ACIN1: variants seen among roughly 807,000 people sequenced by gnomAD.
The protein encoded by ACIN1 is apoptotic chromatin condensation inducer in the nucleus.
In ACIN1, 16 loss-of-function variants were observed where a neutral mutation model predicts 146.6. The observed-to-expected ratio is 0.11, with a 90% confidence interval of 0.07 to 0.17. The LOEUF is 0.17. Among genes scored for constraint, ACIN1 ranks in the 10% least tolerant of loss-of-function variants. ACIN1 has a pLI of 1.00. For synonymous variants in ACIN1, 569 were observed against 582.7 expected (o/e 0.98, Z 0.34); for missense variants, 1,357 against 1,609.3 (o/e 0.84, Z 2.68).
Position 23,080,755 on chromosome 14 carries a change from G to C in ACIN1, c.580C>G (p.Gln194Glu), listed in dbSNP as rs1434505190. ...GSQPAEEEED[Q>E]ETPSRNLRVR... ...CTTAGGTTTCTGGAAGGTGTTTCTT[G>C]ATCCTCTTCCTCCTCAGCAGGTTGG... The change falls in exon 6 of 19, where the codon CAA becomes GAA. Residue 194 changes from glutamine (Q) to glutamate (E), a missense_variant. Physicochemically the swap from Gln to Glu is conservative, Grantham distance 29. This residue lies in a region of ACIN1 where 771 missense variants were observed against 746.6 expected (regional missense o/e 1.03). Transcript: ENST00000605057. The C allele has an allele frequency of 6.2e-7, 1 of 1,613,358 alleles. No individual in the cohort carries two copies. Among genetic ancestry groups the C allele is most frequent in the African/African-American group, 1.3e-5 (1 of 74,934 alleles).
At chr14:23,062,635 C>A in intron 14 of ACIN1, 112 bp from the exon 15 acceptor site, 2 of 1,067,886 alleles carry the variant, frequency 1.9e-6, no homozygotes, top group Non-Finnish European at 2.8e-6. Flanking sequence ...TGGGGGAGGG[C>A]AGAGAGTTTA....
intron 8 of ACIN1, among the ~76,000 whole-genome samples, chr14:23,077,032 T>C (rs761748402): frequency 2.5e-4 from 38 of 152,204 alleles, no homozygotes; most frequent in Non-Finnish European, 5.4e-4. Flanking sequence ...AGCCACAAGA[T>C]GGCAGCAGAG....
Position 23,061,278 on chromosome 14 carries a change from C to T in ACIN1, c.3424+20G>A, listed in dbSNP as rs373732797. The T allele has an allele frequency of 1.2e-6, 2 of 1,613,574 alleles. No homozygotes were observed. The highest frequency in any genetic ancestry group is 1.7e-6 in the Non-Finnish European group (2 of 1,179,726). On this transcript the variant is annotated intron_variant, in intron 17 of 18. Coordinates refer to ENST00000605057, the MANE Select transcript of ACIN1 (RefSeq NM_001386863.1). Reference sequence around the variant, plus strand: ...TCCCACCTACTAGTGGGTATGCGTACCCCATAGCTAAGTACCTACCTTTCT... The same window carrying T: ...TCCCACCTACTAGTGGGTATGCGTATCCCATAGCTAAGTACCTACCTTTCT...
In ACIN1 at chr14:23,061,072, A is replaced by C; in HGVS notation, c.3525+12T>G. On this transcript the variant is annotated intron_variant, in intron 18 of 18. Coordinates refer to ENST00000605057, the MANE Select transcript of ACIN1 (RefSeq NM_001386863.1). ...TGCCACTAGGGAGCAGGGCACGAAGAAGAGCACTCACCTGGCTGTCAGTCA... is the reference window on the plus strand; with the variant it reads ...TGCCACTAGGGAGCAGGGCACGAAGCAGAGCACTCACCTGGCTGTCAGTCA... The C allele has an allele frequency of 6.2e-7, 1 of 1,613,250 alleles. No individual in the cohort carries two copies.
intron 8 of ACIN1, among the ~76,000 whole-genome samples, chr14:23,077,148 A>G (rs1307023594): frequency 6.6e-6 from 1 of 152,212 alleles, no homozygotes. Context: ...GTCACAGGCA[A>G]ATGAGATAAA....
At chr14:23,059,901 C>T (rs2047217983) in intron 18 of ACIN1, among the ~76,000 whole-genome samples, 1 of 151,610 alleles carries the variant, frequency 6.6e-6, no homozygotes, top group East Asian at 1.9e-4. Context: ...GTGATCCGCC[C>T]GCCTCAGGCT....
At position 23,058,862 on chromosome 14, in the gene ACIN1, C is replaced by G. The variant is rs552556323; in HGVS notation, c.*286G>C. 7 of 476,256 alleles carry G rather than the reference C, an allele frequency of 1.5e-5. No individual in the cohort carries two copies. In the East Asian group the frequency reaches 2.4e-4, roughly 16 times the overall value. The allele number at this position is 476,256 out of a possible 1,614,324, so 29.5% of individuals were successfully genotyped here. On this transcript the variant is annotated 3_prime_UTR_variant, in exon 19 of 19. Transcript: ENST00000605057. Reference sequence around the variant, plus strand: ...GAGGAAAAATCAGAGGACTGGGGCACCTGGCTGTTCCCCATCTCTGGCCAA... The same window carrying G: ...GAGGAAAAATCAGAGGACTGGGGCAGCTGGCTGTTCCCCATCTCTGGCCAA...
intron 8 of ACIN1, 124 bp from the exon 9 acceptor site, chr14:23,069,741 G>A (rs753131860): frequency 1.5e-4 from 126 of 864,170 alleles, no homozygotes; most frequent in Non-Finnish European, 2.1e-4. Context: ...GGATTAGGAG[G>A]GCTGCTTTTC....
chr14:23,081,439 A>C (rs1161278221), intron 5 of ACIN1, among the ~76,000 whole-genome samples: 1 of 152,214 alleles, frequency 6.6e-6, no homozygotes, highest in Non-Finnish European at 1.5e-5. Context: ...CGAACAACAA[A>C]AAGATGACAA....
chr14:23,066,113 CAGATAGAGTG>C (rs2047447373), intron 9 of ACIN1, 105 bp from the exon 10 acceptor site: 1 of 843,140 alleles, frequency 1.2e-6, no homozygotes, highest in Non-Finnish European at 1.9e-6. Context: ...TCCAAAGACA[CAGATAGAGTG>C]AGAGAGAGAG....
At position 23,062,533 on chromosome 14, in the gene ACIN1, A is replaced by C. The variant is rs746840123; in HGVS notation, c.2884-10T>G. On this transcript the variant is annotated splice_polypyrimidine_tract_variant and intron_variant, in intron 14 of 18. Transcript: ENST00000605057. ...AAGTGAAAGGACGGACCTGCCAATG[A>C]AAATAGACTTTCAGGGTCTAGCAGA... The C allele has an allele frequency of 6.2e-7, 1 of 1,613,164 alleles. No individual in the cohort carries two copies. Among genetic ancestry groups the C allele is most frequent in the Non-Finnish European group, 8.5e-7 (1 of 1,179,124 alleles).
At chr14:23,079,183 T>C (rs1455915770) in intron 6 of ACIN1, 145 bp from the exon 7 acceptor site, 4 of 889,380 alleles carry the variant, frequency 4.5e-6, no homozygotes, top group Admixed American at 5.8e-5. Flanking sequence ...TCTGTGTTTA[T>C]TCCCATTTAG....
chr14:23,094,538 T>G, intron 1 of ACIN1: 1 of 985,254 alleles, frequency 1.0e-6, no homozygotes, highest in Non-Finnish European at 1.2e-6. Context: ...CCAGTCCTAT[T>G]CGTGCAGATA....
chr14:23,093,927 C>T (rs1372901278), intron 1 of ACIN1, among the ~76,000 whole-genome samples: 2 of 152,196 alleles, frequency 1.3e-5, no homozygotes, highest in Non-Finnish European at 2.9e-5. Flanking sequence ...AGCCATGGGG[C>T]TCCTGGTTTT....
chr14:23,063,023 C>A lies in ACIN1; in HGVS notation c.2789G>T (p.Gly930Val). ...TRRSISQQKS[G>V]VSITIDDPVR... ...TGGGTCATCAATGGTAATGGAAACT[C>A]CGGACTTCTGCTGGCTAATGGAACG... Residue 930 changes from glycine to valine, a missense_variant, in exon 14 of 19, where the codon GGA becomes GTA. Physicochemically the swap from Gly to Val is moderately radical, Grantham distance 109. Coordinates refer to ENST00000605057, the MANE Select transcript of ACIN1 (RefSeq NM_001386863.1). 6.2e-7 allele frequency: 1 copy of A among 1,613,876 alleles called. No homozygotes were observed. Among genetic ancestry groups the A allele is most frequent in the Non-Finnish European group, 8.5e-7 (1 of 1,179,978 alleles).
intron 17 of ACIN1, 34 bp downstream of exon 17, chr14:23,061,264 A>T (rs1463779285): frequency 6.2e-7 from 1 of 1,611,898 alleles, no homozygotes; most frequent in Non-Finnish European, 8.5e-7. Flanking sequence ...CCCACCTACT[A>T]GTGGGTATGC....
chr14:23,072,358 TAGCTGAAGCTTG>T lies in ACIN1; in HGVS notation c.2124-2753_2124-2742del, dbSNP rs967543046. 5.9e-5 allele frequency among the ~76,000 whole-genome samples: 9 copies of T among 152,258 alleles called. No individual in the cohort carries two copies. The East Asian group carries it at 7.7e-4, about 13-fold the overall frequency. On this transcript the variant is annotated intron_variant, in intron 8 of 18. Transcript: ENST00000605057. ...ATAAACAGGGCAAGGGGACCTTGGG[TAGCTGAAGCTTG>T]AAGGCCACTTCTTGAAGCAAGGGCT...
Position 23,094,923 on chromosome 14 carries a change from G to A in ACIN1, c.138+52C>T, listed in dbSNP as rs1035551690. 110 of 1,516,294 alleles carry A rather than the reference G, an allele frequency of 7.3e-5. 1 individual carries two copies. Among genetic ancestry groups the A allele is most frequent in the East Asian group, 1.1e-4 (5 of 43,822 alleles). The allele number at this position is 1,516,294 out of a possible 1,614,324, so 93.9% of individuals were successfully genotyped here. A position where few individuals can be genotyped will look rare whatever the true frequency, so the allele number is the denominator to read the frequency against. On this transcript the variant is annotated intron_variant, in intron 1 of 18. Transcript: ENST00000605057. ...TGCGCCTGCGCCGCGGCAGAGGCTC[G>A]TCTCTACCGGGTCCGCTCTCCTCCG...
intron 2 of ACIN1, 54 bp from the exon 3 acceptor site, chr14:23,090,687 AAAG>A (rs777519425): frequency 9.1e-5 from 126 of 1,386,970 alleles, no homozygotes; most frequent in Middle Eastern, 2.4e-4. Context: ...AGGAGAATGC[AAAG>A]AAGAACATTC....
Sources: allele counts gnomAD v4.1 joint callset (sites outside exome capture counted in the v4.1 genomes callset), GRCh38; gene constraint gnomAD v4.1.1; regional missense constraint gnomAD v4.1.1; transcripts MANE v1.5; gene names NCBI Gene and HGNC (gene_info 2026-07-23, HGNC 2026-07-21).